Variants in SF3B3 observed in about 807,000 individuals in gnomAD.
The protein encoded by SF3B3 is SAP 130.
Under a neutral mutation model 139.2 loss-of-function variants are expected in SF3B3, and 33 were observed. The observed-to-expected ratio is 0.24, with a 90% CI of 0.18 to 0.32. The LOEUF is 0.32. Among genes scored for constraint, SF3B3 ranks in the 10% least tolerant of loss-of-function variants. The probability of loss-of-function intolerance (pLI) is 1.00; values close to 1 mark genes in which losing one functional copy is unlikely to be tolerated. For synonymous variants in SF3B3, 596 were observed against 563.6 expected, an observed-to-expected ratio of 1.06 and a Z score of -0.81; for missense variants, 818 against 1,509.4, an observed-to-expected ratio of 0.54 and a Z score of 7.59.
At position 70,550,767 on chromosome 16, in the gene SF3B3, G is replaced by A. The variant is rs192175446; in HGVS notation, c.1402+2325G>A. ...ACAAAATATTGAGGCTGCCCTGATG[G>A]TGTCTTTCAGAGGGTAACTTTGCAG... On this transcript the variant is annotated intron_variant, in intron 11 of 25. Transcript: ENST00000302516. The A allele has an allele frequency of 2.2e-5, 13 of 584,544 alleles. No homozygotes were observed. In the East Asian group the frequency reaches 1.9e-3, roughly 83 times the overall value. The allele number at this position is 584,544 out of a possible 1,614,324, so 36.2% of individuals were successfully genotyped here. A position where few individuals can be genotyped will look rare whatever the true frequency, so the allele number is the denominator to read the frequency against.
Position 70,572,031 on chromosome 16 carries a change from C to A in SF3B3, c.*218C>A, listed in dbSNP as rs1283701994. On this transcript the variant is annotated 3_prime_UTR_variant, in exon 26 of 26. Transcript: ENST00000302516. The stretch of plus-strand genomic sequence containing the variant: ...TTGCTACACTTCTCCCCACCTGGTA[C>A]ATGATACATGACCCCAGGTTCCAGT... 1.5e-6 allele frequency: 1 copy of A among 674,468 alleles called. No individual in the cohort carries two copies. Among genetic ancestry groups the A allele is most frequent in the East Asian group, 2.9e-5 (1 of 34,640 alleles). The allele number at this position is 674,468 out of a possible 1,614,324, so 41.8% of individuals were successfully genotyped here.
chr16:70,565,764 C>G, intron 20 of SF3B3: 2 of 457,066 alleles, frequency 4.4e-6, no homozygotes, highest in Non-Finnish European at 7.9e-6. Flanking sequence ...CAATTGGTCT[C>G]TTTCTTACTG....
rs1420762543 is a variant in SF3B3 at position 70,565,224 on chromosome 16, A to G, written c.2623A>G (p.Asn875Asp). 8 of 1,614,100 alleles carry G rather than the reference A, an allele frequency of 5.0e-6. No individual in the cohort carries two copies. The Admixed American group carries it at 1.3e-4, about 27-fold the overall frequency. ...VIRVMNPIQG[N>D]TLDLVQLEQN... is the part of the protein sequence containing the mutation. ...CCGAGTGATGAATCCCATTCAAGGG[A>G]ACACACTGGACCTTGTCCAGCTGGA... The change falls in exon 19 of 26, where the codon AAC (asparagine) becomes GAC (aspartate). Residue 875 changes from asparagine (N) to aspartate (D), a missense_variant. Physicochemically the swap from Asn to Asp is conservative, Grantham distance 23 (BLOSUM62 1). This residue lies in a region of SF3B3 where 145 missense variants were observed against 153.6 expected (regional missense o/e 0.94). Transcript: ENST00000302516.
At chr16:70,536,753 A>G (rs1002803562) in intron 6 of SF3B3, among the ~76,000 whole-genome samples, 10 of 150,852 alleles carry the variant, frequency 6.6e-5, no homozygotes, top group Non-Finnish European at 1.3e-4. Context: ...TGGCCTCCCA[A>G]GGTGCTGGGG....
intron 1 of SF3B3, among the ~76,000 whole-genome samples, chr16:70,525,184 C>T (rs1390064787): frequency 6.6e-6 from 1 of 152,064 alleles, no homozygotes; most frequent in African/African-American, 2.4e-5. Flanking sequence ...CGTGTGCCAC[C>T]GCGCCCGGCT....
At position 70,568,268 on chromosome 16, in the gene SF3B3, CTTTG is replaced by C; in HGVS notation, c.2953-11_2953-8del. The C allele has an allele frequency of 6.3e-7, 1 of 1,590,240 alleles. No individual in the cohort carries two copies. Among genetic ancestry groups the C allele is most frequent in the Non-Finnish European group, 8.6e-7 (1 of 1,158,578 alleles). On this transcript the variant is annotated splice_polypyrimidine_tract_variant and intron_variant, in intron 21 of 25. Coordinates refer to ENST00000302516, the MANE Select transcript of SF3B3 (RefSeq NM_012426.5). Reference sequence around the variant, plus strand: ...AGATTACACCCACCATCACTATTGTCTTTGTTTTTCCCAGCATATTGCCAATTAT... The same window carrying C: ...AGATTACACCCACCATCACTATTGTCTTTTTCCCAGCATATTGCCAATTAT...
intron 1 of SF3B3, chr16:70,524,750 T>C (rs1378853720): frequency 2.0e-5 from 3 of 151,244 alleles, no homozygotes; most frequent in African/African-American, 7.3e-5. Flanking sequence ...GCGCGATCTC[T>C]GCTCACTGCA....
intron 2 of SF3B3, among the ~76,000 whole-genome samples, chr16:70,528,641 G>A (rs1343719845): frequency 2.0e-5 from 3 of 151,604 alleles, no homozygotes; most frequent in Admixed American, 6.6e-5. Context: ...TTTTTGAGAC[G>A]GAGTTTTGCT....
chr16:70,549,913 A>G (rs1203928143), intron 11 of SF3B3, among the ~76,000 whole-genome samples: 2 of 152,220 alleles, frequency 1.3e-5, no homozygotes, highest in Non-Finnish European at 2.9e-5. Flanking sequence ...TGACAGAGCG[A>G]GACTCCATGT....
chr16:70,562,088 A>T (rs1178128922), intron 17 of SF3B3, among the ~76,000 whole-genome samples: 1 of 152,234 alleles, frequency 6.6e-6, no homozygotes, highest in Admixed American at 6.5e-5. Context: ...TTTTAGAGCA[A>T]GTATTGGATC....
chr16:70,568,502 T>G lies in SF3B3; in HGVS notation c.3165+7T>G. 6.2e-7 allele frequency: 1 copy of G among 1,609,942 alleles called. No homozygotes were observed. Among genetic ancestry groups the G allele is most frequent in the Non-Finnish European group, 8.5e-7 (1 of 1,176,960 alleles). ...GTTTGGCAACATATGTGTGGTGAGTTGATGTTGTTAACTTGGGTTACAGTG... is the reference window on the plus strand; with the variant it reads ...GTTTGGCAACATATGTGTGGTGAGTGGATGTTGTTAACTTGGGTTACAGTG... On this transcript the variant is annotated splice_region_variant and intron_variant, in intron 22 of 25. Transcript: ENST00000302516.
At chr16:70,548,105 A>T (rs557089734) in intron 10 of SF3B3, among the ~76,000 whole-genome samples, 1 of 152,246 alleles carries the variant, frequency 6.6e-6, no homozygotes, top group South Asian at 2.1e-4. Flanking sequence ...GGCATATTGT[A>T]CTTGAAGGAA....
intron 5 of SF3B3, 101 bp from the exon 6 acceptor site, chr16:70,535,207 C>G (rs534128748): frequency 3.4e-6 from 2 of 586,374 alleles, no homozygotes; most frequent in Non-Finnish European, 6.2e-6. Context: ...GCATCAGGCA[C>G]ATTACCATCA....
chr16:70,566,310 C>T (rs751540132), intron 20 of SF3B3, among the ~76,000 whole-genome samples: 1 of 152,074 alleles, frequency 6.6e-6, no homozygotes, highest in Non-Finnish European at 1.5e-5. Flanking sequence ...CGCCTGTAAT[C>T]CCAGCACTTT....
Position 70,539,096 on chromosome 16 carries a change from C to A in SF3B3, c.964-8C>A, listed in dbSNP as rs1376747729. On this transcript the variant is annotated splice_region_variant and splice_polypyrimidine_tract_variant and intron_variant, in intron 7 of 25. Transcript: ENST00000302516. ...GTTTGTACACCAGAATGTTTCTTTT[C>A]TCACCAGGTTACTGAGATCCGGCTC... 1 of 1,600,360 alleles carries A rather than the reference C, an allele frequency of 6.2e-7. No individual in the cohort carries two copies. The highest frequency in any genetic ancestry group is 8.6e-7 in the Non-Finnish European group (1 of 1,167,450).
intron 8 of SF3B3, among the ~76,000 whole-genome samples, chr16:70,539,850 C>G (rs928132091): frequency 2.7e-5 from 4 of 148,484 alleles, no homozygotes; most frequent in African/African-American, 9.9e-5. Flanking sequence ...GATCTCGGCT[C>G]ACCGCAACCT....
rs751277114 is a variant in SF3B3, at chr16:70,573,686, C to A, written c.*1873C>A. ...AATTGTTAAGGGGACCTGATTGACTCCTGTGGTTTGATTGAGCAACCAGGT... is the reference window on the plus strand; with the variant it reads ...AATTGTTAAGGGGACCTGATTGACTACTGTGGTTTGATTGAGCAACCAGGT... On this transcript the variant is annotated 3_prime_UTR_variant, in exon 26 of 26. Transcript: ENST00000302516. The A allele has an allele frequency of 2.6e-5, 4 of 152,204 alleles. No homozygotes were observed. The highest frequency in any genetic ancestry group is 5.9e-5 in the Non-Finnish European group (4 of 68,044). The allele number at this position is 152,204 out of a possible 1,614,324, so 9.4% of individuals were successfully genotyped here.
At chr16:70,525,095 T>TCTC (rs960080007) in intron 1 of SF3B3, 1 of 152,386 alleles carries the variant, frequency 6.6e-6, no homozygotes, top group Non-Finnish European at 1.5e-5. Context: ...AGCGGCTTGA[T>TCTC]CTCGGCTTAC....
chr16:70,528,464 C>CTTT (rs71387528), intron 2 of SF3B3, among the ~76,000 whole-genome samples: 10 of 103,904 alleles, frequency 9.6e-5, no homozygotes, highest in African/African-American at 2.8e-4. Context: ...TGTGCGTGGC[C>CTTT]TTTTTTTTTT....
Sources: allele counts gnomAD v4.1 joint callset (sites outside exome capture counted in the v4.1 genomes callset), GRCh38; gene constraint gnomAD v4.1.1; regional missense constraint gnomAD v4.1.1; transcripts MANE v1.5; gene names NCBI Gene and HGNC (gene_info 2026-07-23, HGNC 2026-07-21).